Variants in SERTAD2 observed in about 807,000 individuals in gnomAD.
SERTAD2 encodes SERTA domain containing 2, also known as SERTA domain-containing protein 2.
In SERTAD2, 2 loss-of-function variants were observed where a neutral mutation model predicts 15.4. That is an observed-to-expected ratio of 0.13 (90% CI 0.05 to 0.41). The LOEUF is 0.41. Among genes scored for constraint, SERTAD2 ranks in the 10% least tolerant of loss-of-function variants. The pLI, the probability that SERTAD2 is intolerant of heterozygous loss-of-function variation, is 0.99. For missense variants in SERTAD2, 333 were observed against 409.7 expected (o/e 0.81, Z 1.62); for synonymous variants, 180 against 178.0 (o/e 1.01, Z -0.09).
At chr2:64,649,286 G>A (rs924083952) in intron 1 of SERTAD2, among the ~76,000 whole-genome samples, 2 of 152,220 alleles carry the variant, frequency 1.3e-5, no homozygotes, top group African/African-American at 4.8e-5. Context: ...TGCATGGCGT[G>A]GAATGATAAG....
In SERTAD2 at chr2:64,632,204, C is replaced by T. The variant is rs1674547340; in HGVS notation, c.*3723G>A. On this transcript the variant is annotated 3_prime_UTR_variant, in exon 2 of 2. Coordinates refer to ENST00000313349, the MANE Select transcript of SERTAD2 (RefSeq NM_014755.3). ...TAACAGCAAGGTTTTCAAATTAAGA[C>T]AATTCGTATAGAGTAGCAATTGCTG... is the stretch of plus-strand genomic sequence containing the variant. The T allele has an allele frequency of 6.7e-6, 1 of 149,062 alleles. No individual in the cohort carries two copies. The highest frequency in any genetic ancestry group is 2.0e-4 in the East Asian group (1 of 5,100). The allele number at this position is 149,062 out of a possible 1,614,324, so 9.2% of individuals were successfully genotyped here.
rs1042116581 is a variant in SERTAD2, at chr2:64,635,867, T to G, written c.*60A>C. On this transcript the variant is annotated 3_prime_UTR_variant, in exon 2 of 2. Transcript: ENST00000313349. The stretch of plus-strand genomic sequence containing the variant: ...AGGGTGCATGCACAGTGTGGAGAAC[T>G]GTCAGGGTTATGGGAACGCTCTGGG... The G allele has an allele frequency of 1.6e-5, 21 of 1,318,086 alleles. No homozygotes were observed. The highest frequency in any genetic ancestry group is 2.3e-5 in the Non-Finnish European group (21 of 930,904). The allele number at this position is 1,318,086 out of a possible 1,614,324, so 81.6% of individuals were successfully genotyped here. A position where few individuals can be genotyped will look rare whatever the true frequency, so the allele number is the denominator to read the frequency against.
rs912250834 is a variant in SERTAD2 at position 64,634,589 on chromosome 2, G to A, written c.*1338C>T. The A allele has an allele frequency of 3.3e-5, 5 of 152,266 alleles. No homozygotes were observed. Among genetic ancestry groups the A allele is most frequent in the African/African-American group, 1.2e-4 (5 of 41,496 alleles). The allele number at this position is 152,266 out of a possible 1,614,324, so 9.4% of individuals were successfully genotyped here. On this transcript the variant is annotated 3_prime_UTR_variant, in exon 2 of 2. Coordinates refer to ENST00000313349, the MANE Select transcript of SERTAD2 (RefSeq NM_014755.3). ...GCCGAGGCGAGCCAAGCTCACTGTGGTGATCACGAAGATGCCATTTTCAGC... is the reference window on the plus strand; with the variant it reads ...GCCGAGGCGAGCCAAGCTCACTGTGATGATCACGAAGATGCCATTTTCAGC...
chr2:64,646,995 A>G (rs1006507533), intron 1 of SERTAD2, among the ~76,000 whole-genome samples: 1 of 152,244 alleles, frequency 6.6e-6, no homozygotes, highest in Non-Finnish European at 1.5e-5. Context: ...CTACTTCTTA[A>G]TAACTATAAA....
rs1017068023 is a variant in SERTAD2 at position 64,636,577 on chromosome 2, T to C, written c.295A>G (p.Ser99Gly). Residue 99 changes from serine to glycine, a missense_variant, in exon 2 of 2, where the codon AGC (serine) becomes GGC (glycine). By Grantham distance (56) the Ser-to-Gly change is moderately conservative (BLOSUM62 0). Coordinates refer to ENST00000313349, the MANE Select transcript of SERTAD2 (RefSeq NM_014755.3). ...SSQPTTEPSD[S>G]YREAPPAFSH... ...AAGGCCGGCGGGGCCTCTCGGTAGC[T>C]GTCGCTGGGCTCGGTGGTGGGCTGG... is the stretch of plus-strand genomic sequence containing the variant. 11 of 1,595,182 alleles carry C rather than the reference T, an allele frequency of 6.9e-6. No homozygotes were observed. Among genetic ancestry groups the C allele is most frequent in the African/African-American group, 1.4e-5 (1 of 73,308 alleles).
At chr2:64,647,121 A>G (rs1674918249) in intron 1 of SERTAD2, among the ~76,000 whole-genome samples, 1 of 152,170 alleles carries the variant, frequency 6.6e-6, no homozygotes, top group South Asian at 2.1e-4. Flanking sequence ...CCTTAGGGAG[A>G]TGATGAAGCG....
intron 1 of SERTAD2, among the ~76,000 whole-genome samples, chr2:64,644,006 A>G (rs1347516938): frequency 6.6e-6 from 1 of 152,216 alleles, no homozygotes; most frequent in Non-Finnish European, 1.5e-5. Flanking sequence ...CTAAAACCAG[A>G]AAGATGAGGC....
At chr2:64,644,921 A>T (rs1312691375) in intron 1 of SERTAD2, 1 of 152,242 alleles carries the variant, frequency 6.6e-6, no homozygotes, top group Non-Finnish European at 1.5e-5. Context: ...AGTGGGCAAA[A>T]ATTCCAACAG....
chr2:64,638,526 C>T (rs1674707727), intron 1 of SERTAD2, among the ~76,000 whole-genome samples: 2 of 152,228 alleles, frequency 1.3e-5, no homozygotes, highest in Non-Finnish European at 2.9e-5. Context: ...GACATGGAGC[C>T]TGCCACTTGG....
At chr2:64,637,827 C>A (rs1035543658) in intron 1 of SERTAD2, among the ~76,000 whole-genome samples, 1 of 152,224 alleles carries the variant, frequency 6.6e-6, no homozygotes, top group Non-Finnish European at 1.5e-5. Flanking sequence ...GCTCACAGGC[C>A]AGGCTGTGTC....
At chr2:64,639,751 T>C (rs143131489) in intron 1 of SERTAD2, among the ~76,000 whole-genome samples, 29 of 152,198 alleles carry the variant, frequency 1.9e-4, no homozygotes, top group Non-Finnish European at 3.4e-4. Context: ...ATTATAGGCA[T>C]TTAGTAGAAT....
At chr2:64,643,791 G>A (rs951618104) in intron 1 of SERTAD2, among the ~76,000 whole-genome samples, 24 of 152,258 alleles carry the variant, frequency 1.6e-4, no homozygotes, top group Admixed American at 4.6e-4. Context: ...GCGTGAACCC[G>A]GGAGGCGGAG....
chr2:64,643,764 G>T (rs1169976754), intron 1 of SERTAD2, among the ~76,000 whole-genome samples: 1 of 152,176 alleles, frequency 6.6e-6, no homozygotes, highest in East Asian at 1.9e-4. Flanking sequence ...TACTCAGGAG[G>T]CTGAGGCAGG....
At chr2:64,652,664 C>T (rs1179400234) in intron 1 of SERTAD2, among the ~76,000 whole-genome samples, 1 of 152,222 alleles carries the variant, frequency 6.6e-6, no homozygotes, top group African/African-American at 2.4e-5. Flanking sequence ...GGCTGTCTCA[C>T]TCTGCTGACT....
At chr2:64,640,387 C>G (rs1029416755) in intron 1 of SERTAD2, among the ~76,000 whole-genome samples, 4 of 152,206 alleles carry the variant, frequency 2.6e-5, no homozygotes, top group African/African-American at 9.7e-5. Flanking sequence ...GGGCAAGAAG[C>G]CAGGCGCATC....
chr2:64,651,582 A>G (rs1675010413), intron 1 of SERTAD2, among the ~76,000 whole-genome samples: 2 of 152,238 alleles, frequency 1.3e-5, no homozygotes, highest in African/African-American at 4.8e-5. Flanking sequence ...GCTCATTATC[A>G]GTAATAATTC....
At chr2:64,642,519 T>TA (rs939100710) in intron 1 of SERTAD2, among the ~76,000 whole-genome samples, 1 of 151,846 alleles carries the variant, frequency 6.6e-6, no homozygotes, top group African/African-American at 2.4e-5. Context: ...TTTTTTTTTT[T>TA]AAATTACTGT....
chr2:64,653,313 T>C (rs1218743609), intron 1 of SERTAD2, among the ~76,000 whole-genome samples: 5 of 151,930 alleles, frequency 3.3e-5, no homozygotes, highest in African/African-American at 1.2e-4. Context: ...AGGCGACAGC[T>C]CCAGGCGCCC....
chr2:64,638,434 T>C (rs1357788459), intron 1 of SERTAD2, among the ~76,000 whole-genome samples: 1 of 152,250 alleles, frequency 6.6e-6, no homozygotes, highest in Non-Finnish European at 1.5e-5. Context: ...TAAGGCTAAA[T>C]GGAATATAAA....
Sources: gnomAD v4.1 joint callset for allele counts (sites outside exome capture counted in the v4.1 genomes callset) on GRCh38, gnomAD v4.1.1 for gene constraint, MANE v1.5 for transcripts, NCBI Gene and HGNC (gene_info 2026-07-23, HGNC 2026-07-21) for gene names.